The following ANO4 variants were observed in gnomAD, a reference collection of about 807,000 sequenced individuals.
The protein encoded by ANO4 is anoctamin 4, also known as anoctamin-4.
In ANO4, 69 loss-of-function variants were observed where a neutral mutation model predicts 141.9. The ratio of observed to expected loss-of-function variants is 0.49; its 90% CI spans 0.40 to 0.59. The LOEUF is 0.59. ANO4 is among the 20% of genes least tolerant of loss of function. The pLI, the probability that ANO4 is intolerant of heterozygous loss-of-function variation, is 0.00. For missense variants in ANO4, 894 were observed against 1,162.2 expected, an observed-to-expected ratio of 0.77 and a Z score of 3.36; for synonymous variants, 350 against 394.3, an observed-to-expected ratio of 0.89 and a Z score of 1.33.
intron 1 of ANO4, among the ~76,000 whole-genome samples, chr12:100,731,840 A>G (rs1173683885): frequency 6.6e-6 from 1 of 152,116 alleles, no homozygotes; most frequent in East Asian, 1.9e-4. Context: ...ATTTCATTTT[A>G]GTGTTGAATA....
At chr12:100,786,037 G>A (rs1216702156) in intron 3 of ANO4, among the ~76,000 whole-genome samples, 3 of 152,126 alleles carry the variant, frequency 2.0e-5, no homozygotes, top group African/African-American at 7.2e-5. Flanking sequence ...TCAAGTAATA[G>A]AACTTGAAAT....
At chr12:100,720,814 A>G (rs117651692) in intron 1 of ANO4, among the ~76,000 whole-genome samples, 1 of 152,304 alleles carries the variant, frequency 6.6e-6, no homozygotes, top group East Asian at 1.9e-4. Context: ...GATAATAATA[A>G]TGGCACTTTA....
intron 5 of ANO4, among the ~76,000 whole-genome samples, chr12:100,950,768 G>A (rs943119733): frequency 2.6e-4 from 40 of 152,170 alleles, no homozygotes; most frequent in Middle Eastern, 3.2e-3. Context: ...GTGAGAGGTA[G>A]GCACTGTCCG....
chr12:100,968,687 G>T (rs1048556407), intron 5 of ANO4, among the ~76,000 whole-genome samples: 9 of 152,134 alleles, frequency 5.9e-5, no homozygotes, highest in Non-Finnish European at 1.3e-4. Context: ...TCTTTCTTCT[G>T]CTTTATAACT....
At chr12:100,909,234 C>A (rs995725832) in intron 2 of ANO4, among the ~76,000 whole-genome samples, 3 of 152,100 alleles carry the variant, frequency 2.0e-5, no homozygotes, top group Non-Finnish European at 2.9e-5. Context: ...GAATTCTTAC[C>A]GGTTTTTCTA....
intron 3 of ANO4, among the ~76,000 whole-genome samples, chr12:100,924,143 T>G (rs1379964868): frequency 1.8e-4 from 28 of 152,184 alleles, no homozygotes; most frequent in Admixed American, 1.8e-3. Context: ...TTTAGTTTAA[T>G]TAGATCCCAT....
chr12:100,943,246 C>G (rs1259047310), intron 5 of ANO4, among the ~76,000 whole-genome samples: 1 of 152,214 alleles, frequency 6.6e-6, no homozygotes, highest in Non-Finnish European at 1.5e-5. Context: ...AATTATGTAA[C>G]TCTTCTCGGC....
At chr12:101,009,864 G>A (rs1734775850) in intron 8 of ANO4, among the ~76,000 whole-genome samples, 1 of 152,016 alleles carries the variant, frequency 6.6e-6, no homozygotes, top group South Asian at 2.1e-4. Flanking sequence ...GACTTCCTGG[G>A]CTGATCCTCT....
chr12:100,857,455 A>T (rs1327188824), intron 1 of ANO4, among the ~76,000 whole-genome samples: 1 of 152,146 alleles, frequency 6.6e-6, no homozygotes, highest in East Asian at 1.9e-4. Flanking sequence ...AATCCTTACC[A>T]TAATCCCTAC....
At chr12:100,993,942 A>G (rs1455961312) in intron 8 of ANO4, among the ~76,000 whole-genome samples, 1 of 152,182 alleles carries the variant, frequency 6.6e-6, no homozygotes, top group African/African-American at 2.4e-5. Flanking sequence ...ATTACGCTCT[A>G]TTGTGAGATT....
chr12:100,732,815 T>C (rs927737037), intron 1 of ANO4, among the ~76,000 whole-genome samples: 1 of 152,210 alleles, frequency 6.6e-6, no homozygotes, highest in African/African-American at 2.4e-5. Flanking sequence ...ATCAGAGATG[T>C]AAGGGTGGCA....
intron 1 of ANO4, among the ~76,000 whole-genome samples, chr12:100,813,388 A>C (rs2035557940): frequency 6.6e-6 from 1 of 152,110 alleles, no homozygotes; most frequent in Non-Finnish European, 1.5e-5. Context: ...GAAGGGAATG[A>C]ATTCCCAGAG....
intron 11 of ANO4, 149 bp downstream of exon 11, chr12:101,040,225 G>C (rs2047361544): frequency 7.7e-6 from 8 of 1,034,892 alleles, no homozygotes; most frequent in African/African-American, 1.6e-5. Flanking sequence ...AAACTCATCT[G>C]AGGACATCAG....
At chr12:100,738,916 A>G (rs2031728514) in intron 2 of ANO4, among the ~76,000 whole-genome samples, 1 of 151,458 alleles carries the variant, frequency 6.6e-6, no homozygotes, top group Non-Finnish European at 1.5e-5. Context: ...TATTCATATT[A>G]CATAACTTAA....
intron 1 of ANO4, among the ~76,000 whole-genome samples, chr12:100,723,283 C>T (rs778188211): frequency 7.2e-5 from 11 of 152,280 alleles, no homozygotes; most frequent in South Asian, 2.1e-4. Context: ...GTCTGGGTGG[C>T]TTAAACAACA....
rs568420380 is a variant in ANO4 at position 100,808,136 on chromosome 12, G to A, written c.-141+13109G>A. Among the ~76,000 whole-genome samples the A allele has an allele frequency of 9.2e-5, 14 of 152,150 alleles. No homozygotes were observed. In the East Asian group the frequency reaches 2.1e-3, roughly 23 times the overall value. On this transcript the variant is annotated intron_variant, in intron 1 of 27. Coordinates refer to ENST00000392977, the MANE Select transcript of ANO4 (RefSeq NM_001286615.2). ...TCTGTCTTTAGGTCTTTGAGGAATC[G>A]CCACACTGACTTCCATAATGTCTGA...
At chr12:100,984,467 TG>T (rs1487480186) in intron 7 of ANO4, among the ~76,000 whole-genome samples, 2 of 152,218 alleles carry the variant, frequency 1.3e-5, no homozygotes. Context: ...TAGTCCTGTG[TG>T]GTCCTTAAGA....
intron 7 of ANO4, among the ~76,000 whole-genome samples, chr12:100,981,144 G>A (rs1462832543): frequency 6.6e-6 from 1 of 152,098 alleles, no homozygotes; most frequent in Non-Finnish European, 1.5e-5. Flanking sequence ...GGACAAAATG[G>A]CTTGTGTATT....
chr12:100,893,578 G>A (rs887828817), intron 1 of ANO4, among the ~76,000 whole-genome samples: 5 of 152,066 alleles, frequency 3.3e-5, no homozygotes, highest in African/African-American at 1.2e-4. Flanking sequence ...AAGAGACCAA[G>A]CCTAAACCAC....
Sources: gnomAD v4.1 joint callset for allele counts (sites outside exome capture counted in the v4.1 genomes callset) on GRCh38, gnomAD v4.1.1 for gene constraint, MANE v1.5 for transcripts, NCBI Gene and HGNC (gene_info 2026-07-23, HGNC 2026-07-21) for gene names.